Variants in LRRN3 observed in about 807,000 individuals in gnomAD.
LRRN3 encodes leucine rich repeat neuronal 3, also known as leucine-rich repeat neuronal protein 3.
LRRN3 carries 15 observed loss-of-function variants against 40.1 expected under a neutral mutation model. The observed-to-expected ratio is 0.37, with a 90% CI of 0.25 to 0.58. The LOEUF is 0.58. Ranked by LOEUF, LRRN3 falls within the 20% of genes least tolerant of loss-of-function variation. The pLI is 0.72. For missense variants in LRRN3, 746 were observed against 837.7 expected, an observed-to-expected ratio of 0.89 and a Z score of 1.35; for synonymous variants, 308 against 297.2, an observed-to-expected ratio of 1.04 and a Z score of -0.37.
intron 2 of LRRN3, among the ~76,000 whole-genome samples, chr7:111,104,531 T>G (rs530931102): frequency 4.6e-5 from 7 of 151,974 alleles, no homozygotes; most frequent in African/African-American, 1.7e-4. Context: ...TGAGGGGACA[T>G]TATATGTGAA....
intron 2 of LRRN3, among the ~76,000 whole-genome samples, chr7:111,105,240 A>C (rs1798415758): frequency 6.6e-6 from 1 of 151,884 alleles, no homozygotes; most frequent in Admixed American, 6.6e-5. Context: ...TAGGCTGAAA[A>C]ATTACAAAAC....
chr7:111,111,856 C>T (rs146323326), intron 2 of LRRN3, among the ~76,000 whole-genome samples: 1,870 of 149,302 alleles, frequency 0.013, 17 homozygotes, highest in Middle Eastern at 0.025. Flanking sequence ...AGAAAAAATA[C>T]ATGCCTTTAA....
At position 111,123,759 on chromosome 7, in the gene LRRN3, A is replaced by G. The variant is rs997206365; in HGVS notation, c.987A>G (p.Ala329=). The G allele has an allele frequency of 1.2e-6, 2 of 1,613,724 alleles. No individual in the cohort carries two copies. The highest frequency in any genetic ancestry group is 1.3e-5 in the African/African-American group (1 of 74,864). Residue 329 remains alanine, a synonymous_variant, in exon 3 of 3, where the codon GCA becomes GCG. Coordinates refer to ENST00000308478, the MANE Select transcript of LRRN3 (RefSeq NM_001099658.2). This position sits in a 1 kb window ranked among gnomAD's most constrained non-coding sequence, Gnocchi z 6.4. ...NPRLSYIHPN[A]FFRLPKLESL... is the part of the protein sequence containing the mutation. ...GATTGTCTTACATTCACCCCAATGC[A>G]TTTTTCAGACTCCCCAAGCTGGAAT...
At chr7:111,114,197 T>C (rs1799571183) in intron 2 of LRRN3, among the ~76,000 whole-genome samples, 1 of 151,866 alleles carries the variant, frequency 6.6e-6, no homozygotes, top group South Asian at 2.1e-4. Flanking sequence ...CTCTTACAAG[T>C]GTATATAAAT....
At chr7:111,098,897 T>C (rs968610278) in intron 1 of LRRN3, among the ~76,000 whole-genome samples, 3 of 151,782 alleles carry the variant, frequency 2.0e-5, no homozygotes, top group Admixed American at 2.0e-4. Context: ...AAGAGTCAGA[T>C]TCTCTATCAA....
chr7:111,102,416 A>C (rs1293846432), intron 2 of LRRN3, among the ~76,000 whole-genome samples: 1 of 151,532 alleles, frequency 6.6e-6, no homozygotes, highest in African/African-American at 2.4e-5. Context: ...TAGCAGAAGC[A>C]CAATTCACTG....
intron 2 of LRRN3, among the ~76,000 whole-genome samples, chr7:111,112,528 G>C (rs1319508246): frequency 6.6e-6 from 1 of 152,118 alleles, no homozygotes; most frequent in East Asian, 1.9e-4. Flanking sequence ...CCATGTCTTG[G>C]TTGAAACTCA....
At position 111,124,079 on chromosome 7, in the gene LRRN3, C is replaced by T. The variant is rs923064689; in HGVS notation, c.1307C>T (p.Ala436Val). The T allele has an allele frequency of 1.1e-5, 17 of 1,613,810 alleles. No individual in the cohort carries two copies. Among genetic ancestry groups the T allele is most frequent in the Non-Finnish European group, 1.4e-5 (16 of 1,179,904 alleles). The stretch of plus-strand genomic sequence containing the variant: ...TTTCCTTCTAATCTAAATGTAGAAG[C>T]TGGGAGCTATGTTTCCTTTCACTGT... ...ESFPSNLNVEAGSYVSFHCRA... is the reference protein window; with the variant it reads ...ESFPSNLNVEVGSYVSFHCRA... The change falls in exon 3 of 3, where the codon GCT becomes GTT. Residue 436 changes from alanine to valine, a missense_variant. Ala to Val is a moderately conservative substitution (Grantham distance 64). Transcript: ENST00000308478.
chr7:111,109,186 A>G (rs1234854304), intron 2 of LRRN3, among the ~76,000 whole-genome samples: 1 of 152,178 alleles, frequency 6.6e-6, no homozygotes, highest in African/African-American at 2.4e-5. Context: ...AGAATGTGTA[A>G]AACATTTTCA....
intron 2 of LRRN3, among the ~76,000 whole-genome samples, chr7:111,101,608 T>A (rs1227211457): frequency 2.0e-5 from 3 of 151,378 alleles, no homozygotes; most frequent in African/African-American, 7.3e-5. Flanking sequence ...GTACAACAGG[T>A]ACAATAGGTA....
intron 2 of LRRN3, among the ~76,000 whole-genome samples, chr7:111,111,043 A>C (rs1799132152): frequency 6.6e-6 from 1 of 152,136 alleles, no homozygotes; most frequent in Non-Finnish European, 1.5e-5. Context: ...CATAATCCTA[A>C]ATTATCTGGA....
intron 2 of LRRN3, 76 bp downstream of exon 2, chr7:111,100,038 T>A (rs1797804311): frequency 6.6e-6 from 1 of 151,710 alleles, no homozygotes; most frequent in Non-Finnish European, 1.5e-5. Flanking sequence ...GAGAAGCATT[T>A]GCCCAACTTC....
chr7:111,124,113 T>G lies in LRRN3; in HGVS notation c.1341T>G (p.Thr447=). The G allele has an allele frequency of 1.2e-6, 2 of 1,614,090 alleles. No homozygotes were observed. The highest frequency in any genetic ancestry group is 1.7e-6 in the Non-Finnish European group (2 of 1,179,990). Residue 447 remains threonine (T), a synonymous_variant, in exon 3 of 3, where the codon ACT becomes ACG. Transcript: ENST00000308478. ...GSYVSFHCRA[T]AEPQPEIYWI... ...ATGTTTCCTTTCACTGTAGAGCTAC[T>G]GCAGAACCACAGCCTGAAATCTACT...
intron 2 of LRRN3, among the ~76,000 whole-genome samples, chr7:111,106,533 C>G (rs1050945624): frequency 2.0e-5 from 3 of 151,712 alleles, no homozygotes. Context: ...GGAAACTTCT[C>G]ATGAACTTCT....
At chr7:111,101,607 G>A (rs1371867028) in intron 2 of LRRN3, among the ~76,000 whole-genome samples, 1 of 151,228 alleles carries the variant, frequency 6.6e-6, no homozygotes, top group Non-Finnish European at 1.5e-5. Flanking sequence ...GGTACAACAG[G>A]TACAATAGGT....
chr7:111,110,451 C>T (rs1340972009), intron 2 of LRRN3, among the ~76,000 whole-genome samples: 1 of 152,076 alleles, frequency 6.6e-6, no homozygotes, highest in African/African-American at 2.4e-5. Context: ...GGAATGATCA[C>T]AAATATAGAT....
In LRRN3 at chr7:111,124,155, T is replaced by C. The variant is rs757124523; in HGVS notation, c.1383T>C (p.Gly461=). The change falls in exon 3 of 3, where the codon GGT becomes GGC. Residue 461 remains glycine, a synonymous_variant. Coordinates refer to ENST00000308478, the MANE Select transcript of LRRN3 (RefSeq NM_001099658.2). ...QPEIYWITPS[G]QKLLPNTLTD... ...AAATCTACTGGATAACACCTTCTGGTCAAAAACTCTTGCCTAATACCCTGA... is the reference window on the plus strand; with the variant it reads ...AAATCTACTGGATAACACCTTCTGGCCAAAAACTCTTGCCTAATACCCTGA... 2.5e-6 allele frequency: 4 copies of C among 1,613,798 alleles called. No homozygotes were observed. In the African/African-American group the frequency reaches 5.3e-5, roughly 22 times the overall value.
At position 111,117,375 on chromosome 7, in the gene LRRN3, G is replaced by A. The variant is rs901698284; in HGVS notation, c.-358-5040G>A. Among the ~76,000 whole-genome samples, 4 of 151,996 alleles carry A rather than the reference G, an allele frequency of 2.6e-5. 1 individual carries two copies. Among genetic ancestry groups the A allele is most frequent in the African/African-American group, 9.7e-5 (4 of 41,412 alleles). On this transcript the variant is annotated intron_variant, in intron 2 of 2. Transcript: ENST00000308478. Reference sequence around the variant, plus strand: ...ATAATCTGAGGTACAAGAAAGTGAGGTATCCTGTCCCCAGTTACAAAATCA... The same window carrying A: ...ATAATCTGAGGTACAAGAAAGTGAGATATCCTGTCCCCAGTTACAAAATCA...
At chr7:111,116,868 T>C (rs73420006) in intron 2 of LRRN3, among the ~76,000 whole-genome samples, 3,470 of 152,192 alleles carry the variant, frequency 0.023, 124 homozygotes, top group African/African-American at 0.079. Context: ...GTTTTAAAAA[T>C]AAACATTTGA....
Sources: gnomAD v4.1 joint callset for allele counts (sites outside exome capture counted in the v4.1 genomes callset) on GRCh38, gnomAD v4.1.1 for gene constraint, Gnocchi (gnomAD v3.1) non-coding constraint, MANE v1.5 for transcripts, NCBI Gene and HGNC (gene_info 2026-07-23, HGNC 2026-07-21) for gene names.